TBC1D5: variants seen among roughly 807,000 people sequenced by gnomAD.
TBC1D5 encodes TBC1 domain family, member 5.
TBC1D5 carries 75 observed loss-of-function variants against 100.3 expected under a neutral mutation model. The observed-to-expected ratio is 0.75, with a 90% CI of 0.62 to 0.91. TBC1D5 has a LOEUF of 0.91. Among genes scored for constraint, TBC1D5 ranks in the 40% least tolerant of loss-of-function variants. The probability of loss-of-function intolerance (pLI) is 0.00; values close to 1 mark genes in which losing one functional copy is unlikely to be tolerated. For missense variants in TBC1D5, 910 were observed against 942.4 expected (o/e 0.97, Z 0.45); for synonymous variants, 323 against 325.6 (o/e 0.99, Z 0.09).
chr3:17,643,852 T>C (rs190257865), intron 1 of TBC1D5, among the ~76,000 whole-genome samples: 183 of 152,230 alleles, frequency 1.2e-3, no homozygotes, highest in Middle Eastern at 3.4e-3. Context: ...TCACGATGCA[T>C]ATTTAAGGTT....
chr3:17,437,091 T>C (rs1307676592), intron 3 of TBC1D5, among the ~76,000 whole-genome samples: 2 of 152,228 alleles, frequency 1.3e-5, no homozygotes, highest in Non-Finnish European at 2.9e-5. Context: ...AGCTTAATAC[T>C]GTGAATTCAA....
chr3:17,326,653 T>C (rs2086187103), intron 13 of TBC1D5, among the ~76,000 whole-genome samples: 2 of 152,148 alleles, frequency 1.3e-5, no homozygotes, highest in African/African-American at 4.8e-5. Flanking sequence ...AATTTATTTT[T>C]TGTAGAGATG....
chr3:17,348,681 C>G (rs1383304987), intron 13 of TBC1D5, among the ~76,000 whole-genome samples: 2 of 152,146 alleles, frequency 1.3e-5, no homozygotes, highest in Non-Finnish European at 2.9e-5. Context: ...AGGCAAAACG[C>G]ACTAAATTCT....
At chr3:17,387,985 G>T (rs2093220942) in intron 8 of TBC1D5, among the ~76,000 whole-genome samples, 1 of 152,060 alleles carries the variant, frequency 6.6e-6, no homozygotes, top group African/African-American at 2.4e-5. Flanking sequence ...TTAACAGAAG[G>T]TCTTTCTTTC....
chr3:17,676,332 T>C (rs544372119), intron 1 of TBC1D5, among the ~76,000 whole-genome samples: 1 of 152,202 alleles, frequency 6.6e-6, no homozygotes, highest in South Asian at 2.1e-4. Context: ...CGTGCAAAAA[T>C]CACAAGCATT....
intron 1 of TBC1D5, among the ~76,000 whole-genome samples, chr3:17,731,414 G>C (rs554341573): frequency 2.0e-5 from 3 of 151,428 alleles, no homozygotes; most frequent in African/African-American, 7.3e-5. Context: ...GCTGAGGCAG[G>C]AGAATTGCTT....
chr3:17,680,150 T>C (rs1367171428), intron 1 of TBC1D5, among the ~76,000 whole-genome samples: 1 of 151,574 alleles, frequency 6.6e-6, no homozygotes, highest in African/African-American at 2.4e-5. Context: ...TAAATGTTCT[T>C]TCTTTAGATG....
intron 1 of TBC1D5, among the ~76,000 whole-genome samples, chr3:17,681,370 T>C (rs1206406661): frequency 6.6e-6 from 1 of 151,668 alleles, no homozygotes; most frequent in Non-Finnish European, 1.5e-5. Context: ...AAGTCATGTA[T>C]GTTCTAAACA....
intron 14 of TBC1D5, among the ~76,000 whole-genome samples, chr3:17,294,049 TG>T (rs371726076): frequency 6.6e-6 from 1 of 152,342 alleles, no homozygotes; most frequent in African/African-American, 2.4e-5. Context: ...ACAAGACATT[TG>T]TTTTGAAAGG....
At chr3:17,191,984 T>C (rs1288282569) in intron 18 of TBC1D5, among the ~76,000 whole-genome samples, 2 of 152,030 alleles carry the variant, frequency 1.3e-5, no homozygotes, top group Non-Finnish European at 2.9e-5. Flanking sequence ...CACATACTAA[T>C]TGGGAAAACA....
At chr3:17,572,126 G>C (rs950738937) in intron 2 of TBC1D5, among the ~76,000 whole-genome samples, 1 of 151,710 alleles carries the variant, frequency 6.6e-6, no homozygotes, top group African/African-American at 2.4e-5. Context: ...CACAGGTGTT[G>C]AACCTACATG....
intron 3 of TBC1D5, among the ~76,000 whole-genome samples, chr3:17,505,194 A>T (rs1483840672): frequency 6.6e-6 from 1 of 152,340 alleles, no homozygotes; most frequent in Non-Finnish European, 1.5e-5. Flanking sequence ...ATACTGTGAC[A>T]TACAAAATTT....
chr3:17,554,457 A>G (rs902512125), intron 2 of TBC1D5, among the ~76,000 whole-genome samples: 2 of 152,294 alleles, frequency 1.3e-5, no homozygotes, highest in Middle Eastern at 3.4e-3. Flanking sequence ...GGCAAAAGAA[A>G]ACACTACTGT....
At chr3:17,374,900 ACTAT>A (rs1256814355) in intron 10 of TBC1D5, among the ~76,000 whole-genome samples, 1 of 152,166 alleles carries the variant, frequency 6.6e-6, no homozygotes, top group African/African-American at 2.4e-5. Flanking sequence ...TGCGACATGA[ACTAT>A]CTAATTATTC....
chr3:17,661,329 AT>A (rs2153743260), intron 1 of TBC1D5, among the ~76,000 whole-genome samples: 1 of 152,338 alleles, frequency 6.6e-6, no homozygotes, highest in African/African-American at 2.4e-5. Flanking sequence ...ATACAGTCTT[AT>A]CCCCAAAACC....
intron 17 of TBC1D5, 66 bp downstream of exon 17, chr3:17,238,097 G>T (rs1311741550): frequency 6.5e-7 from 1 of 1,538,454 alleles, no homozygotes; most frequent in Non-Finnish European, 8.7e-7. Context: ...TTCCTCACAG[G>T]CAGGTGAAGA....
rs77621784 is a variant in TBC1D5 at position 17,306,230 on chromosome 3, G to A, written c.1138+1762C>T. ...ACAGCAGCCCAGAGGGGAGCTAGGT[G>A]CCTCTCCTTAAGTTTCCACACTACC... On this transcript the variant is annotated intron_variant, in intron 14 of 21. Transcript: ENST00000253692. 5.7e-3 allele frequency among the ~76,000 whole-genome samples: 865 copies of A among 152,234 alleles called. 14 individuals are homozygous for A. Among genetic ancestry groups the A allele is most frequent in the African/African-American group, 0.02 (829 of 41,532 alleles).
At chr3:17,317,639 T>A (rs1251928483) in intron 13 of TBC1D5, among the ~76,000 whole-genome samples, 4 of 152,170 alleles carry the variant, frequency 2.6e-5, no homozygotes, top group African/African-American at 9.7e-5. Context: ...GACAAATATA[T>A]AATAACCAAG....
intron 15 of TBC1D5, among the ~76,000 whole-genome samples, chr3:17,269,215 C>G (rs937966867): frequency 5.9e-5 from 9 of 152,088 alleles, no homozygotes; most frequent in Non-Finnish European, 1.2e-4. Context: ...AGATAACATC[C>G]AGTACCTCAC....
Sources: gnomAD v4.1 joint callset for allele counts (sites outside exome capture counted in the v4.1 genomes callset) on GRCh38, gnomAD v4.1.1 for gene constraint, MANE v1.5 for transcripts, NCBI Gene and HGNC (gene_info 2026-07-23, HGNC 2026-07-21) for gene names.